The following APOLD1 variants were observed in gnomAD, a reference collection of about 807,000 sequenced individuals.
APOLD1 encodes apolipoprotein L domain containing 1.
A neutral mutation model predicts 15.3 loss-of-function variants in APOLD1; 22 were observed. The ratio of observed to expected loss-of-function variants is 1.44; its 90% CI spans 1.03 to 2.05. The LOEUF is 2.05. Among genes scored for constraint, APOLD1 ranks in the 30% most tolerant of loss-of-function variants. APOLD1 has a pLI of 0.00. For missense variants in APOLD1, 394 were observed against 353.5 expected (o/e 1.11, Z -0.92); for synonymous variants, 190 against 167.4 (o/e 1.13, Z -1.04).
rs111290246 is a variant in APOLD1 at position 12,760,523 on chromosome 12, C to T, written c.97-26386C>T. On this transcript the variant is annotated intron_variant, in intron 1 of 1. Transcript: ENST00000326765. ...GCGTGGTTCTGGGCGCCTATAATCCCAGCTACTTGGGAGGCTGAGGCAGGA... is the reference window on the plus strand; with the variant it reads ...GCGTGGTTCTGGGCGCCTATAATCCTAGCTACTTGGGAGGCTGAGGCAGGA... Among the ~76,000 whole-genome samples the T allele has an allele frequency of 3.2e-3, 482 of 151,728 alleles. 3 individuals carry two copies. The highest frequency in any genetic ancestry group is 0.011 in the African/African-American group (467 of 41,336).
chr12:12,742,918 C>T (rs933469241), intron 1 of APOLD1, among the ~76,000 whole-genome samples: 7 of 152,176 alleles, frequency 4.6e-5, no homozygotes, highest in Non-Finnish European at 7.3e-5. Flanking sequence ...GCATGTGACA[C>T]CACCCTGGCT....
intron 1 of APOLD1, among the ~76,000 whole-genome samples, chr12:12,737,406 C>A (rs1034418156): frequency 2.0e-5 from 3 of 152,144 alleles, no homozygotes; most frequent in African/African-American, 7.2e-5. Context: ...AACTCAAGTT[C>A]TTTTGGAGTT....
At chr12:12,726,156 C>CAAA (rs745785485) in intron 1 of APOLD1, 7,315 of 111,044 alleles carry the variant, frequency 0.066, 204 homozygotes, top group Non-Finnish European at 0.077. Flanking sequence ...TCTTCGCAAC[C>CAAA]AAAAAAAAAA....
rs148680732 is a variant in APOLD1 at position 12,765,609 on chromosome 12, G to A, written c.97-21300G>A. 8.5e-5 allele frequency among the ~76,000 whole-genome samples: 13 copies of A among 152,256 alleles called. No homozygotes were observed. The East Asian group carries it at 2.5e-3, about 29-fold the overall frequency. On this transcript the variant is annotated intron_variant, in intron 1 of 1. Coordinates refer to the APOLD1 transcript ENST00000326765. ...GTGTAGGCTGGGCATGGTGGCTCAG[G>A]CCTGTAATCCCAGCACTTTGGGAGG...
chr12:12,763,897 A>G (rs1321229609), intron 1 of APOLD1, among the ~76,000 whole-genome samples: 3 of 152,190 alleles, frequency 2.0e-5, no homozygotes, highest in South Asian at 2.1e-4. Flanking sequence ...TGAGATTGGT[A>G]GAATCATGGA....
At chr12:12,731,200 T>G (rs1946639199) in intron 1 of APOLD1, among the ~76,000 whole-genome samples, 1 of 152,198 alleles carries the variant, frequency 6.6e-6, no homozygotes, top group Non-Finnish European at 1.5e-5. Flanking sequence ...CAGTTTTTAT[T>G]TTGTCTTCTC....
chr12:12,746,496 C>CAAATAAATAAATAAATAAATAAAT (rs757082166), intron 1 of APOLD1, among the ~76,000 whole-genome samples: 31 of 139,942 alleles, frequency 2.2e-4, no homozygotes, highest in African/African-American at 8.1e-4. Context: ...AACTCCATCT[C>CAAATAAATAAATAAATAAATAAAT]AAATAAATAA....
chr12:12,770,587 A>G (rs950407548), intron 1 of APOLD1, among the ~76,000 whole-genome samples: 1 of 151,090 alleles, frequency 6.6e-6, no homozygotes, highest in Non-Finnish European at 1.5e-5. Context: ...AAAAAGCAAC[A>G]ACAGAAAAGA....
intron 1 of APOLD1, among the ~76,000 whole-genome samples, chr12:12,748,056 T>C (rs1946779874): frequency 6.6e-6 from 1 of 152,160 alleles, no homozygotes. Context: ...AGGGCCTAAG[T>C]GGGGACTGGC....
rs1947145860 is a variant in APOLD1 at position 12,787,774 on chromosome 12, A to C, written c.*122A>C. ...GGAGCCGAAGGCAAAGGATGAGAAAAACTGTTTTTGAAGTGGGCAGGTCCC... is the reference window on the plus strand; with the variant it reads ...GGAGCCGAAGGCAAAGGATGAGAAACACTGTTTTTGAAGTGGGCAGGTCCC... On this transcript the variant is annotated 3_prime_UTR_variant, in exon 2 of 2. Transcript: ENST00000356591. This position sits in a 1 kb window ranked among gnomAD's most constrained non-coding sequence, Gnocchi z 4.9. The C allele has an allele frequency of 6.9e-7, 1 of 1,441,364 alleles. No homozygotes were observed. Among genetic ancestry groups the C allele is most frequent in the Admixed American group, 2.4e-5 (1 of 41,838 alleles). The allele number at this position is 1,441,364 out of a possible 1,614,324, so 89.3% of individuals were successfully genotyped here. A position where few individuals can be genotyped will look rare whatever the true frequency, so the allele number is the denominator to read the frequency against.
upstream of APOLD1, among the ~76,000 whole-genome samples, chr12:12,782,552 CA>C (rs1947089664): frequency 1.3e-5 from 2 of 152,130 alleles, no homozygotes; most frequent in South Asian, 4.1e-4. Flanking sequence ...CTTGTCTCTA[CA>C]AAAAGTCAAA....
At chr12:12,730,075 TGTGAGAGAGA>T (rs1228317257) in intron 1 of APOLD1, among the ~76,000 whole-genome samples, 36 of 46,192 alleles carry the variant, frequency 7.8e-4, no homozygotes, top group East Asian at 1.6e-3. Context: ...TGTGTGTGTG[TGTGAGAGAGA>T]GAGAGAGAGA....
chr12:12,726,308 G>A (rs1241026024), intron 1 of APOLD1: 4 of 662,516 alleles, frequency 6.0e-6, no homozygotes, highest in Non-Finnish European at 1.1e-5. Context: ...GCGTTTTTGC[G>A]GGAGGAATAT....
upstream of APOLD1, among the ~76,000 whole-genome samples, chr12:12,784,392 G>C (rs1947108382): frequency 6.6e-6 from 1 of 152,102 alleles, no homozygotes; most frequent in Non-Finnish European, 1.5e-5. Flanking sequence ...AACCTCAAAA[G>C]GACACACTGG....
intron 1 of APOLD1, among the ~76,000 whole-genome samples, chr12:12,777,336 G>A (rs186470784): frequency 6.6e-6 from 1 of 152,160 alleles, no homozygotes; most frequent in Non-Finnish European, 1.5e-5. Context: ...AGGAAAGAGT[G>A]GTTGGTCAGT....
intron 1 of APOLD1, among the ~76,000 whole-genome samples, chr12:12,742,979 T>C (rs1429535749): frequency 6.6e-6 from 1 of 152,230 alleles, no homozygotes; most frequent in Non-Finnish European, 1.5e-5. Flanking sequence ...CTCAAACTCT[T>C]GGGCTCAAGT....
intron 1 of APOLD1, among the ~76,000 whole-genome samples, chr12:12,776,268 G>T (rs1947032892): frequency 6.6e-6 from 1 of 152,184 alleles, no homozygotes; most frequent in Non-Finnish European, 1.5e-5. Context: ...CTAAGGGAAA[G>T]CTTAAGATTT....
chr12:12,748,611 A>G (rs1479028006), intron 1 of APOLD1, among the ~76,000 whole-genome samples: 2 of 152,014 alleles, frequency 1.3e-5, no homozygotes, highest in Non-Finnish European at 2.9e-5. Flanking sequence ...GAACATTCCA[A>G]ATCTTTCTTC....
chr12:12,786,953 G>A lies in APOLD1; in HGVS notation c.48G>A (p.Ala16=). ...PAAREPHGPD[A]LRRFQGLLLD... Reference sequence around the variant, plus strand: ...CCCGGGAGCCGCATGGGCCCGACGCGCTGCGGCGCTTCCAGGGACTGCTGC... The same window carrying A: ...CCCGGGAGCCGCATGGGCCCGACGCACTGCGGCGCTTCCAGGGACTGCTGC... The change falls in exon 2 of 2, where the codon GCG becomes GCA. Residue 16 remains alanine, a synonymous_variant. Transcript: ENST00000356591. 4 of 1,459,562 alleles carry A rather than the reference G, an allele frequency of 2.7e-6. No individual in the cohort carries two copies. The highest frequency in any genetic ancestry group is 1.3e-5 in the South Asian group (1 of 74,828). The allele number at this position is 1,459,562 out of a possible 1,614,324, so 90.4% of individuals were successfully genotyped here.
Sources: gnomAD v4.1 joint callset for allele counts (sites outside exome capture counted in the v4.1 genomes callset) on GRCh38, gnomAD v4.1.1 for gene constraint, Gnocchi (gnomAD v3.1) non-coding constraint, MANE v1.5 for transcripts, NCBI Gene and HGNC (gene_info 2026-07-23, HGNC 2026-07-21) for gene names.